Variants in PLEKHO2 observed in about 807,000 individuals in gnomAD.
The protein encoded by PLEKHO2 is pleckstrin homology domain containing O2.
PLEKHO2 carries 20 observed loss-of-function variants against 32.7 expected under a neutral mutation model. The observed-to-expected ratio is 0.61, with a 90% CI of 0.43 to 0.89. The LOEUF (loss-of-function observed/expected upper bound fraction) is 0.89, where lower values mean the gene tolerates loss of function less well. Among genes scored for constraint, PLEKHO2 ranks in the 40% least tolerant of loss-of-function variants. The probability of loss-of-function intolerance (pLI) is 0.00; values close to 1 mark genes in which losing one functional copy is unlikely to be tolerated. For missense variants in PLEKHO2, 568 were observed against 621.2 expected (o/e 0.91, Z 0.91); for synonymous variants, 247 against 246.3 (o/e 1.00, Z -0.03).
chr15:64,853,092 T>C (rs1208436498), intron 2 of PLEKHO2, among the ~76,000 whole-genome samples: 1 of 149,806 alleles, frequency 6.7e-6, no homozygotes, highest in Non-Finnish European at 1.5e-5. Flanking sequence ...TGAGCCGATA[T>C]CATGCCACTG....
chr15:64,855,514 G>A lies in PLEKHO2; in HGVS notation c.279+477G>A, dbSNP rs571777021. Among the ~76,000 whole-genome samples, 903 of 152,296 alleles carry A rather than the reference G, an allele frequency of 5.9e-3. 7 individuals are homozygous for A. Among genetic ancestry groups the A allele is most frequent in the African/African-American group, 0.018 (769 of 41,584 alleles). On this transcript the variant is annotated intron_variant, in intron 3 of 5. Coordinates refer to ENST00000323544, the MANE Select transcript of PLEKHO2 (RefSeq NM_025201.5). Reference sequence around the variant, plus strand: ...TGTGGGTGGGCCCACCCTGGACTAAGGACTAGGAGGCCTGCAGCCCCCCAG... The same window carrying A: ...TGTGGGTGGGCCCACCCTGGACTAAAGACTAGGAGGCCTGCAGCCCCCCAG...
chr15:64,859,803 A>G, intron 3 of PLEKHO2, 91 bp from the exon 4 acceptor site: 1 of 1,092,326 alleles, frequency 9.2e-7, no homozygotes, highest in Non-Finnish European at 1.4e-6. Context: ...TTTTGGTTTG[A>G]CTTTGGGATC....
chr15:64,849,506 C>G (rs1255880399), intron 2 of PLEKHO2, among the ~76,000 whole-genome samples: 1 of 150,498 alleles, frequency 6.6e-6, no homozygotes, highest in Non-Finnish European at 1.5e-5. Context: ...TGCAATGGCA[C>G]GATCTCAGCT....
intron 2 of PLEKHO2, among the ~76,000 whole-genome samples, chr15:64,852,139 A>G (rs2084574290): frequency 6.6e-6 from 1 of 152,122 alleles, no homozygotes; most frequent in Non-Finnish European, 1.5e-5. Context: ...GGCTCCTAGC[A>G]CCTCATAGGG....
intron 1 of PLEKHO2, among the ~76,000 whole-genome samples, chr15:64,842,636 A>T (rs1486761973): frequency 1.3e-5 from 2 of 152,058 alleles, no homozygotes; most frequent in East Asian, 3.9e-4. Flanking sequence ...TCCCCGCTCC[A>T]CATCCATCTG....
intron 4 of PLEKHO2, among the ~76,000 whole-genome samples, chr15:64,860,256 G>A (rs2084632844): frequency 6.6e-6 from 1 of 152,256 alleles, no homozygotes; most frequent in African/African-American, 2.4e-5. Flanking sequence ...TGGTGGGCTG[G>A]AACTAGACTG....
At chr15:64,856,411 A>C (rs1275976929) in intron 3 of PLEKHO2, among the ~76,000 whole-genome samples, 2 of 151,124 alleles carry the variant, frequency 1.3e-5, no homozygotes, top group African/African-American at 4.9e-5. Context: ...TGCTATGTGG[A>C]TGTGGGGTGG....
At chr15:64,852,285 G>A (rs969253221) in intron 2 of PLEKHO2, among the ~76,000 whole-genome samples, 9 of 152,132 alleles carry the variant, frequency 5.9e-5, no homozygotes, top group African/African-American at 9.7e-5. Flanking sequence ...TTTCTGGTCC[G>A]TCTGTTTAGT....
chr15:64,861,491 G>A lies in PLEKHO2; in HGVS notation c.399G>A (p.Lys133=), dbSNP rs12595292. Residue 133 remains lysine, a synonymous_variant, in exon 5 of 6, where the codon AAG becomes AAA. Coordinates refer to ENST00000323544, the MANE Select transcript of PLEKHO2 (RefSeq NM_025201.5). The part of the protein sequence containing the change: ...NKAFDEVKVD[K]SCALEHVTRD... The stretch of plus-strand genomic sequence containing the variant: ...CCTCCCTCCAGGTAAAGGTGGACAA[G>A]AGCTGCGCCCTGGAGCATGTGACAC... The A allele has an allele frequency of 0.17, 274,311 of 1,600,830 alleles. 33,767 individuals are homozygous for A. The highest frequency in any genetic ancestry group is 0.78 in the East Asian group (34,647 of 44,142).
At chr15:64,856,028 G>A (rs562502472) in intron 3 of PLEKHO2, among the ~76,000 whole-genome samples, 4 of 152,254 alleles carry the variant, frequency 2.6e-5, no homozygotes, top group Non-Finnish European at 5.9e-5. Flanking sequence ...AGCAGTGGAG[G>A]GGGCTGTGGA....
chr15:64,854,676 T>C (rs1349294617), intron 2 of PLEKHO2, among the ~76,000 whole-genome samples: 1 of 152,206 alleles, frequency 6.6e-6, no homozygotes, highest in Non-Finnish European at 1.5e-5. Context: ...CTTAGGCACA[T>C]ACGCGCCTCT....
intron 3 of PLEKHO2, among the ~76,000 whole-genome samples, chr15:64,857,711 T>C (rs985301028): frequency 6.6e-6 from 1 of 152,186 alleles, no homozygotes; most frequent in African/African-American, 2.4e-5. Flanking sequence ...ATAGGTCTTC[T>C]CTGAGGCCAT....
At chr15:64,843,572 ACTTT>A (rs2084500793) in intron 1 of PLEKHO2, among the ~76,000 whole-genome samples, 1 of 145,162 alleles carries the variant, frequency 6.9e-6, no homozygotes, top group African/African-American at 2.5e-5. Flanking sequence ...TCACATTGTC[ACTTT>A]CTTTTCTTTT....
chr15:64,860,010 T>G lies in PLEKHO2; in HGVS notation c.384+12T>G. ...AGGCTTTCGATGAGGTGCGATGCAG[T>G]CTGTGGACATGGACAGCTCTGTGTC... On this transcript the variant is annotated intron_variant, in intron 4 of 5. Transcript: ENST00000323544. The G allele has an allele frequency of 6.2e-7, 1 of 1,609,560 alleles. No individual in the cohort carries two copies. The highest frequency in any genetic ancestry group is 2.2e-5 in the East Asian group (1 of 44,844).
At chr15:64,851,816 T>G (rs1555436954) in intron 2 of PLEKHO2, among the ~76,000 whole-genome samples, 1 of 151,444 alleles carries the variant, frequency 6.6e-6, no homozygotes, top group Non-Finnish European at 1.5e-5. Context: ...CAGAGGAGGG[T>G]GTATTCGGGC....
intron 1 of PLEKHO2, among the ~76,000 whole-genome samples, chr15:64,843,140 T>C (rs1787747200): frequency 6.6e-6 from 1 of 152,196 alleles, no homozygotes; most frequent in African/African-American, 2.4e-5. Context: ...GGGCCATGGA[T>C]AGGAGCAGCT....
At chr15:64,855,151 G>A in intron 3 of PLEKHO2, 114 bp downstream of exon 3, 1 of 784,552 alleles carries the variant, frequency 1.3e-6, no homozygotes, top group Non-Finnish European at 2.1e-6. Flanking sequence ...TCCGTTGCGT[G>A]TGGCTGAGGC....
chr15:64,859,875 C>T lies in PLEKHO2; in HGVS notation c.280-19C>T, dbSNP rs2084630507. On this transcript the variant is annotated intron_variant, in intron 3 of 5. Transcript: ENST00000323544. ...CTTTGTTAAACATCTGCCATCTACT[C>T]CATCCATCTTGCCCACAGGTCAGCG... 1 of 1,599,832 alleles carries T rather than the reference C, an allele frequency of 6.3e-7. No homozygotes were observed. Among genetic ancestry groups the T allele is most frequent in the East Asian group, 2.2e-5 (1 of 44,808 alleles).
At chr15:64,850,318 C>T (rs1000617918) in intron 2 of PLEKHO2, among the ~76,000 whole-genome samples, 1 of 152,176 alleles carries the variant, frequency 6.6e-6, no homozygotes, top group Non-Finnish European at 1.5e-5. Context: ...GATGACTGTT[C>T]AGCATCTCCC....
Sources: allele counts gnomAD v4.1 joint callset (sites outside exome capture counted in the v4.1 genomes callset), GRCh38; gene constraint gnomAD v4.1.1; transcripts MANE v1.5; gene names NCBI Gene and HGNC (gene_info 2026-07-23, HGNC 2026-07-21).